Variants in CNTNAP5 observed in about 807,000 individuals in gnomAD.
The protein encoded by CNTNAP5 is contactin associated protein family member 5.
A neutral mutation model predicts 150.2 loss-of-function variants in CNTNAP5; 72 were observed. The observed-to-expected ratio is 0.48, with a 90% CI of 0.40 to 0.58. The LOEUF is 0.58. Among genes scored for constraint, CNTNAP5 ranks in the 20% least tolerant of loss-of-function variants. The pLI, the probability that CNTNAP5 is intolerant of heterozygous loss-of-function variation, is 0.00. For missense variants in CNTNAP5, 1,636 were observed against 1,626.2 expected, an observed-to-expected ratio of 1.01 and a Z score of -0.10; for synonymous variants, 672 against 619.8, an observed-to-expected ratio of 1.08 and a Z score of -1.25.
intron 10 of CNTNAP5, among the ~76,000 whole-genome samples, chr2:124,545,923 C>A (rs1352341972): frequency 6.6e-6 from 1 of 152,114 alleles, no homozygotes; most frequent in African/African-American, 2.4e-5. Flanking sequence ...AAGATTTCAT[C>A]TCTAAAATAT....
intron 13 of CNTNAP5, among the ~76,000 whole-genome samples, chr2:124,668,417 A>C (rs2105053936): frequency 6.6e-6 from 1 of 152,288 alleles, no homozygotes; most frequent in East Asian, 1.9e-4. Context: ...GCAAGGAGGA[A>C]ATTGAGCATG....
At chr2:124,151,127 G>T (rs1256403542) in intron 1 of CNTNAP5, among the ~76,000 whole-genome samples, 1 of 152,086 alleles carries the variant, frequency 6.6e-6, no homozygotes, top group Non-Finnish European at 1.5e-5. Flanking sequence ...ACCCCAGAGT[G>T]GGGCAGAGAA....
In CNTNAP5 at chr2:124,423,652, CTTTTTTTTT is replaced by C. The variant is rs1187961580; in HGVS notation, c.529+6084_529+6092del. On this transcript the variant is annotated intron_variant, in intron 4 of 23. Transcript: ENST00000682447. ...TGAGCCACTGCGCCCGGCTAATTAACTTTTTTTTTTTTTTTTTTTTTTTTTTTTTTGAGA... is the reference window on the plus strand; with the variant it reads ...TGAGCCACTGCGCCCGGCTAATTAACTTTTTTTTTTTTTTTTTTTTTGAGA... 2.3e-3 allele frequency among the ~76,000 whole-genome samples: 95 copies of C among 41,596 alleles called. No individual in the cohort carries two copies. In the Admixed American group the frequency reaches 0.025, roughly 11 times the overall value. 27.3% of individuals were successfully genotyped at this position (41,596 alleles called of 152,430 possible).
intron 4 of CNTNAP5, among the ~76,000 whole-genome samples, chr2:124,433,486 G>T (rs1692443849): frequency 6.6e-6 from 1 of 151,952 alleles, no homozygotes; most frequent in Non-Finnish European, 1.5e-5. Context: ...GTATGCTCAG[G>T]CTGAGGATTT....
intron 19 of CNTNAP5, among the ~76,000 whole-genome samples, chr2:124,849,979 A>G (rs941526549): frequency 3.9e-5 from 6 of 152,216 alleles, no homozygotes; most frequent in African/African-American, 1.4e-4. Flanking sequence ...AGAGGGAAGA[A>G]CTGTGTGAAA....
chr2:124,335,453 G>A (rs1000306172), intron 3 of CNTNAP5, among the ~76,000 whole-genome samples: 1 of 151,626 alleles, frequency 6.6e-6, no homozygotes, highest in Non-Finnish European at 1.5e-5. Context: ...AAGCCAGGCT[G>A]TCAGGATATA....
chr2:124,575,357 G>A (rs754922363), intron 11 of CNTNAP5, among the ~76,000 whole-genome samples: 2 of 152,152 alleles, frequency 1.3e-5, no homozygotes, highest in Non-Finnish European at 2.9e-5. Flanking sequence ...AAATTCTTTA[G>A]TGGCTCTCTA....
At chr2:124,588,240 T>TTTC (rs1696601487) in intron 11 of CNTNAP5, among the ~76,000 whole-genome samples, 1 of 145,772 alleles carries the variant, frequency 6.9e-6, no homozygotes, top group East Asian at 2.1e-4. Context: ...TTCTTTCTTC[T>TTTC]TTCTTTATTT....
At chr2:124,121,615 G>C (rs530090073) in intron 1 of CNTNAP5, among the ~76,000 whole-genome samples, 1 of 152,210 alleles carries the variant, frequency 6.6e-6, no homozygotes, top group Admixed American at 6.5e-5. Flanking sequence ...TGGTCAAATG[G>C]TAAATTAGGC....
chr2:124,594,462 T>C (rs1349834809), intron 11 of CNTNAP5, among the ~76,000 whole-genome samples: 1 of 152,112 alleles, frequency 6.6e-6, no homozygotes, highest in Non-Finnish European at 1.5e-5. Flanking sequence ...AGTGGTGTTA[T>C]TTCTGAGGAC....
chr2:124,270,195 G>C (rs1469249554), intron 3 of CNTNAP5, among the ~76,000 whole-genome samples: 1 of 151,998 alleles, frequency 6.6e-6, no homozygotes, highest in African/African-American at 2.4e-5. Context: ...TGTAATCCCA[G>C]CTACTCAGGA....
At chr2:124,460,502 T>A (rs1693220294) in intron 6 of CNTNAP5, among the ~76,000 whole-genome samples, 1 of 152,196 alleles carries the variant, frequency 6.6e-6, no homozygotes, top group South Asian at 2.1e-4. Flanking sequence ...GTCTATCTCA[T>A]CATCTCTAGT....
chr2:124,046,821 T>C (rs1031800652), intron 1 of CNTNAP5, among the ~76,000 whole-genome samples: 2 of 152,090 alleles, frequency 1.3e-5, no homozygotes, highest in Admixed American at 6.6e-5. Context: ...ATCCCCTGAG[T>C]GATACCATGC....
intron 14 of CNTNAP5, among the ~76,000 whole-genome samples, chr2:124,748,730 G>A (rs1680659592): frequency 6.6e-6 from 1 of 152,122 alleles, no homozygotes; most frequent in South Asian, 2.1e-4. Flanking sequence ...TCTTCATTGG[G>A]TCCTAGGAGA....
intron 13 of CNTNAP5, among the ~76,000 whole-genome samples, chr2:124,688,959 T>A (rs1225312606): frequency 2.0e-5 from 3 of 152,162 alleles, no homozygotes; most frequent in African/African-American, 4.8e-5. Flanking sequence ...TGTATTTTGA[T>A]AATAGCAGGC....
At chr2:124,614,983 CAAAAAAA>C (rs70996082) in intron 12 of CNTNAP5, among the ~76,000 whole-genome samples, 3 of 151,758 alleles carry the variant, frequency 2.0e-5, no homozygotes, top group Admixed American at 6.6e-5. Flanking sequence ...AGCATTATAT[CAAAAAAA>C]AAAAAAACCA....
At chr2:124,166,658 A>C (rs1345492904) in intron 1 of CNTNAP5, among the ~76,000 whole-genome samples, 1 of 152,198 alleles carries the variant, frequency 6.6e-6, no homozygotes, top group Non-Finnish European at 1.5e-5. Context: ...AGAAACCACC[A>C]AAAGAAAGAT....
At chr2:124,418,920 G>A (rs1313863847) in intron 4 of CNTNAP5, among the ~76,000 whole-genome samples, 1 of 150,720 alleles carries the variant, frequency 6.6e-6, no homozygotes, top group East Asian at 2.0e-4. Context: ...GGATCACGAG[G>A]TCAGGAGATC....
chr2:124,138,824 A>AAC lies in CNTNAP5; in HGVS notation c.83-82868_83-82867dup, dbSNP rs549751745. The stretch of plus-strand genomic sequence containing the variant: ...AGTTCCAGCTGATCCTTCCCCTACA[A>AAC]ACACACACACACACCACATATCATA... On this transcript the variant is annotated intron_variant, in intron 1 of 23. Transcript: ENST00000682447. Among the ~76,000 whole-genome samples, 305 of 151,594 alleles carry AAC rather than the reference A, an allele frequency of 2.0e-3. 1 individual carries two copies. In the Middle Eastern group the frequency reaches 0.021, roughly 10 times the overall value.
Sources: gnomAD v4.1 joint callset for allele counts (sites outside exome capture counted in the v4.1 genomes callset) on GRCh38, gnomAD v4.1.1 for gene constraint, MANE v1.5 for transcripts, NCBI Gene and HGNC (gene_info 2026-07-23, HGNC 2026-07-21) for gene names.